DRC8: variants seen among roughly 807,000 people sequenced by gnomAD.
DRC8 encodes dynein regulatory complex protein 8.
the DRC8 span, among the ~76,000 whole-genome samples, chr1:245,045,682 A>G: frequency 5.3e-5 from 8 of 152,100 alleles, no homozygotes; most frequent in Non-Finnish European, 7.4e-5. Context: ...TTCGCAGCCA[A>G]TCAGAGGCTA....
At chr1:245,121,470 G>A in the DRC8 span, among the ~76,000 whole-genome samples, 2 of 152,198 alleles carry the variant, frequency 1.3e-5, no homozygotes, top group African/African-American at 2.4e-5. Flanking sequence ...CCTCAAGATG[G>A]CAGAGACAGC....
At chr1:245,009,432 A>G in the DRC8 span, among the ~76,000 whole-genome samples, 4 of 149,784 alleles carry the variant, frequency 2.7e-5, no homozygotes, top group Admixed American at 2.0e-4. Context: ...CCTTTAATTA[A>G]CCAATATAAC....
At chr1:245,083,693 G>A in the DRC8 span, 9 of 1,605,424 alleles carry the variant, frequency 5.6e-6, no homozygotes, top group East Asian at 2.2e-5. Context: ...AAGAAGGTAA[G>A]TGTGATTTAT....
the DRC8 span, chr1:245,017,198 C>A: frequency 6.4e-7 from 1 of 1,560,722 alleles, no homozygotes; most frequent in Non-Finnish European, 8.6e-7. Context: ...GTTTTGAATT[C>A]AAAGCTAAAG....
At chr1:245,058,704 T>C in the DRC8 span, among the ~76,000 whole-genome samples, 1 of 152,244 alleles carries the variant, frequency 6.6e-6, no homozygotes, top group Non-Finnish European at 1.5e-5. Context: ...TTTATACTTT[T>C]CTTAGGTTAT....
the DRC8 span, among the ~76,000 whole-genome samples, chr1:245,093,418 G>A: frequency 6.6e-6 from 1 of 151,986 alleles, no homozygotes; most frequent in East Asian, 1.9e-4. Context: ...GAAAAATCAG[G>A]CCAAGCACAG....
the DRC8 span, among the ~76,000 whole-genome samples, chr1:245,072,625 T>A: frequency 6.6e-6 from 1 of 152,226 alleles, no homozygotes; most frequent in African/African-American, 2.4e-5. Flanking sequence ...ACCCATTGAA[T>A]GTACAACACC....
At chr1:245,098,055 G>A in the DRC8 span, among the ~76,000 whole-genome samples, 1 of 152,198 alleles carries the variant, frequency 6.6e-6, no homozygotes, top group Non-Finnish European at 1.5e-5. Context: ...GTCTCAGGCC[G>A]GGGAGATAAT....
the DRC8 span, among the ~76,000 whole-genome samples, chr1:245,101,951 C>T: frequency 6.6e-6 from 1 of 152,040 alleles, no homozygotes; most frequent in African/African-American, 2.4e-5. Flanking sequence ...TTTCCAATGA[C>T]GTTATCAATC....
At chr1:245,101,599 A>C in the DRC8 span, among the ~76,000 whole-genome samples, 1 of 152,190 alleles carries the variant, frequency 6.6e-6, no homozygotes, top group Admixed American at 6.5e-5. Context: ...TTGATTTATA[A>C]GTATTTTCCT....
At chr1:244,972,977 T>G in the DRC8 span, among the ~76,000 whole-genome samples, 80 of 152,240 alleles carry the variant, frequency 5.3e-4, no homozygotes, top group Middle Eastern at 6.8e-3. Context: ...AGAGACTCAT[T>G]TTGGTGGTAA....
the DRC8 span, among the ~76,000 whole-genome samples, chr1:245,098,821 C>T: frequency 2.0e-5 from 3 of 152,212 alleles, no homozygotes; most frequent in East Asian, 5.8e-4. Flanking sequence ...GCCTGACTGC[C>T]ATTGTTCTGA....
chr1:245,114,510 C>A, the DRC8 span, among the ~76,000 whole-genome samples: 1 of 151,874 alleles, frequency 6.6e-6, no homozygotes. Context: ...TAGATTCCTT[C>A]ATGTACAACA....
chr1:245,058,085 T>A, the DRC8 span, among the ~76,000 whole-genome samples: 1 of 152,124 alleles, frequency 6.6e-6, no homozygotes, highest in Admixed American at 6.5e-5. Flanking sequence ...AGAGTGAGAA[T>A]GTGCGATTAG....
At chr1:244,995,012 C>T in the DRC8 span, among the ~76,000 whole-genome samples, 1 of 152,102 alleles carries the variant, frequency 6.6e-6, no homozygotes, top group South Asian at 2.1e-4. Flanking sequence ...GTTTAACAGG[C>T]TTTCCTTTAG....
At chr1:244,994,616 G>A in the DRC8 span, among the ~76,000 whole-genome samples, 1 of 152,022 alleles carries the variant, frequency 6.6e-6, no homozygotes, top group Admixed American at 6.6e-5. Context: ...TTTTAGTAGT[G>A]ATGGGGTTTC....
the DRC8 span, among the ~76,000 whole-genome samples, chr1:245,002,623 A>T: frequency 2.6e-5 from 4 of 152,026 alleles, no homozygotes; most frequent in African/African-American, 9.6e-5. Flanking sequence ...GGCTCAAGCC[A>T]TCCTCCTGCC....
At chr1:245,049,521 A>G in the DRC8 span, among the ~76,000 whole-genome samples, 1 of 152,226 alleles carries the variant, frequency 6.6e-6, no homozygotes, top group Non-Finnish European at 1.5e-5. This position sits in a 1 kb window ranked among gnomAD's most constrained non-coding sequence, Gnocchi z 4.5. Flanking sequence ...GACAGAGTTC[A>G]TACTGTACTC....
At chr1:244,989,663 G>T in the DRC8 span, among the ~76,000 whole-genome samples, 37 of 152,218 alleles carry the variant, frequency 2.4e-4, no homozygotes, top group Non-Finnish European at 4.6e-4. Context: ...TCCCCATTCC[G>T]TAGTCTTTGG....
Sources: allele counts gnomAD v4.1 joint callset (sites outside exome capture counted in the v4.1 genomes callset), GRCh38; gene constraint gnomAD v4.1.1; non-coding constraint Gnocchi (gnomAD v3.1); transcripts MANE v1.5; gene names NCBI Gene and HGNC (gene_info 2026-07-23, HGNC 2026-07-21).